Variants in PIK3R6 observed in about 807,000 individuals in gnomAD.
PIK3R6 encodes phosphoinositide 3-kinase regulatory subunit 6.
In PIK3R6, 91 loss-of-function variants were observed where a neutral mutation model predicts 84.9. The ratio of observed to expected loss-of-function variants is 1.07; its 90% CI spans 0.90 to 1.28. The LOEUF (loss-of-function observed/expected upper bound fraction) is 1.28. Among genes scored for constraint, PIK3R6 ranks in the 50% most tolerant of loss-of-function variants. The pLI is 0.00. For missense variants in PIK3R6, 996 were observed against 985.1 expected (o/e 1.01, Z -0.15); for synonymous variants, 416 against 411.4 (o/e 1.01, Z -0.13).
chr17:8,865,387 A>T (rs2089383716), intron 1 of PIK3R6, among the ~76,000 whole-genome samples: 1 of 152,044 alleles, frequency 6.6e-6, no homozygotes, highest in Admixed American at 6.5e-5. Context: ...GCCTCCCTAT[A>T]CCACAGCTGC....
intron 13 of PIK3R6, among the ~76,000 whole-genome samples, 165 bp from the exon 14 acceptor site, chr17:8,823,662 C>A: frequency 6.6e-6 from 1 of 152,126 alleles, no homozygotes; most frequent in East Asian, 1.9e-4. Flanking sequence ...TTTCCACTCC[C>A]AATCAAAATA....
In PIK3R6 at chr17:8,836,615, C is replaced by A; in HGVS notation, c.393G>T (p.Gly131=). ...IRLKTEMAVP[G]TLYQRMVIAE... The stretch of plus-strand genomic sequence containing the variant: ...CAATGACCATCCTTTGGTACAGTGT[C>A]CCTGCAAACCAGACCACTTTGGCCA... Residue 131 remains glycine (G), a splice_region_variant and synonymous_variant, in exon 7 of 20, where the codon GGG becomes GGT. Coordinates refer to ENST00000619866, the MANE Select transcript of PIK3R6 (RefSeq NM_001010855.4). 6.2e-7 allele frequency: 1 copy of A among 1,613,974 alleles called. No individual in the cohort carries two copies. Among genetic ancestry groups the A allele is most frequent in the Non-Finnish European group, 8.5e-7 (1 of 1,179,892 alleles).
rs746499436 is a variant in PIK3R6 at position 8,837,875 on chromosome 17, G to C, written c.190-4C>G. On this transcript the variant is annotated splice_region_variant and splice_polypyrimidine_tract_variant and intron_variant, in intron 4 of 19. Transcript: ENST00000619866. The stretch of plus-strand genomic sequence containing the variant: ...GCCGGAGGTCCTGGCTTTCCGCCTG[G>C]AAAACAGGAGATCACGTGACAGGTA... 3.1e-6 allele frequency: 5 copies of C among 1,612,732 alleles called. No homozygotes were observed. In the South Asian group the frequency reaches 5.5e-5, roughly 18 times the overall value.
At chr17:8,819,807 C>T (rs2087666448) in intron 17 of PIK3R6, among the ~76,000 whole-genome samples, 2 of 145,802 alleles carry the variant, frequency 1.4e-5, no homozygotes, top group South Asian at 4.3e-4. Context: ...TATAGACACA[C>T]ACGTATATAC....
rs749130315 is a variant in PIK3R6, at chr17:8,804,169, C to G, written c.1996-16G>C. 12 of 1,601,286 alleles carry G rather than the reference C, an allele frequency of 7.5e-6. No homozygotes were observed. In the African/African-American group the frequency reaches 1.5e-4, roughly 20 times the overall value. ...TGGTCACTGTCTGCAGCACAGAGAT[C>G]GCACGTGTGAGTGTTGCCTTTGCTC... On this transcript the variant is annotated splice_polypyrimidine_tract_variant and intron_variant, in intron 18 of 19. Transcript: ENST00000619866.
Position 8,837,831 on chromosome 17 carries a change from A to G in PIK3R6, c.230T>C (p.Leu77Pro). The change falls in exon 5 of 20, where the codon CTG (leucine) becomes CCG (proline). Residue 77 changes from leucine to proline, a missense_variant. Coordinates refer to ENST00000619866, the MANE Select transcript of PIK3R6 (RefSeq NM_001010855.4). ...QDLRHVIIPLLHTVMYVLTKA... is the reference protein window; with the variant it reads ...QDLRHVIIPLPHTVMYVLTKA... ...GGTGAGCACGTACATTACAGTGTGC[A>G]GCAAGGGAATGATGACATGCCGGAG... is the stretch of plus-strand genomic sequence containing the variant. The G allele has an allele frequency of 6.2e-7, 1 of 1,614,014 alleles. No individual in the cohort carries two copies. Among genetic ancestry groups the G allele is most frequent in the South Asian group, 1.1e-5 (1 of 91,082 alleles).
At chr17:8,805,182 G>C (rs1349251659) in intron 18 of PIK3R6, among the ~76,000 whole-genome samples, 1 of 152,300 alleles carries the variant, frequency 6.6e-6, no homozygotes, top group East Asian at 1.9e-4. Context: ...GGCTGCCCAG[G>C]CTCTAATCCC....
chr17:8,852,531 A>G (rs1226105132), intron 1 of PIK3R6, among the ~76,000 whole-genome samples: 1 of 152,116 alleles, frequency 6.6e-6, no homozygotes, highest in Non-Finnish European at 1.5e-5. Context: ...TGAGGTCAAG[A>G]GTTCGAGACC....
intron 2 of PIK3R6, among the ~76,000 whole-genome samples, chr17:8,845,214 G>A (rs2088788788): frequency 6.6e-6 from 1 of 152,178 alleles, no homozygotes. Flanking sequence ...GGGTCGAATG[G>A]TAGCTCTGTT....
chr17:8,807,676 G>A (rs1229927323), intron 18 of PIK3R6, among the ~76,000 whole-genome samples: 4 of 152,186 alleles, frequency 2.6e-5, no homozygotes, highest in Admixed American at 2.6e-4. Context: ...TGTGACTTCA[G>A]GAACACTTCC....
chr17:8,842,543 C>T lies in PIK3R6; in HGVS notation c.14-2846G>A, dbSNP rs2088710397. On this transcript the variant is annotated intron_variant, in intron 2 of 19. Transcript: ENST00000619866. This position sits in a 1 kb window ranked among gnomAD's most constrained non-coding sequence, Gnocchi z 4.5. ...CCAAATAAATCCTTGAACTTGGTGT[C>T]TGCTTCTTGGCAGATCCAGACTCAG... Among the ~76,000 whole-genome samples, 1 of 152,184 alleles carries T rather than the reference C, an allele frequency of 6.6e-6. No homozygotes were observed. The highest frequency in any genetic ancestry group is 1.5e-5 in the Non-Finnish European group (1 of 68,030).
At chr17:8,861,242 T>C (rs900392227) in intron 1 of PIK3R6, among the ~76,000 whole-genome samples, 7 of 151,618 alleles carry the variant, frequency 4.6e-5, no homozygotes, top group Non-Finnish European at 8.8e-5. Flanking sequence ...TGTTCTATAT[T>C]GTGGTTCAAG....
At chr17:8,852,738 C>CAAAA (rs34620144) in intron 1 of PIK3R6, among the ~76,000 whole-genome samples, 3,282 of 101,726 alleles carry the variant, frequency 0.032, 143 homozygotes, top group African/African-American at 0.11. Flanking sequence ...GACTCTGTCT[C>CAAAA]AAAAAAAAAA....
intron 17 of PIK3R6, 62 bp downstream of exon 17, chr17:8,821,784 T>C: frequency 6.7e-7 from 1 of 1,491,008 alleles, no homozygotes; most frequent in African/African-American, 1.4e-5. Context: ...CTCTGCCCTC[T>C]CCCCAGCATT....
At chr17:8,837,683 G>A (rs1296520563) in intron 5 of PIK3R6, 120 bp downstream of exon 5, 2 of 846,080 alleles carry the variant, frequency 2.4e-6, no homozygotes, top group Admixed American at 2.2e-5. Context: ...TTTAGGGCAG[G>A]CAATCCAAGG....
At chr17:8,822,736 G>T in intron 15 of PIK3R6, 79 bp from the exon 16 acceptor site, 1 of 1,417,646 alleles carries the variant, frequency 7.1e-7, no homozygotes, top group Non-Finnish European at 9.8e-7. Context: ...CTGAGGGCAG[G>T]AGCTGAGCTG....
rs756893437 is a variant in PIK3R6 at position 8,829,601 on chromosome 17, TAC to T, written c.889+103_889+104del. On this transcript the variant is annotated intron_variant, in intron 10 of 19. Transcript: ENST00000619866. ...AGACACACTGACACACACTCATGCATACACACACTGACACACGCATGCACACT... is the reference window on the plus strand; with the variant it reads ...AGACACACTGACACACACTCATGCATACACACTGACACACGCATGCACACT... The T allele has an allele frequency of 1.3e-4, 149 of 1,126,244 alleles. 1 individual carries two copies. The highest frequency in any genetic ancestry group is 2.3e-4 in the East Asian group (8 of 35,138). 69.8% of individuals were successfully genotyped at this position (1,126,244 alleles called of 1,614,324 possible).
At chr17:8,863,135 G>T (rs1036065054) in intron 1 of PIK3R6, among the ~76,000 whole-genome samples, 1 of 152,024 alleles carries the variant, frequency 6.6e-6, no homozygotes, top group Non-Finnish European at 1.5e-5. Flanking sequence ...GGGAAGGAGG[G>T]GTTCTAGAGT....
At chr17:8,838,481 G>T in intron 4 of PIK3R6, 83 bp downstream of exon 4, 1 of 1,262,656 alleles carries the variant, frequency 7.9e-7, no homozygotes, top group Non-Finnish European at 1.1e-6. Context: ...ATGAGATATA[G>T]CGCTGCCAGG....
Sources: gnomAD v4.1 joint callset for allele counts (sites outside exome capture counted in the v4.1 genomes callset) on GRCh38, gnomAD v4.1.1 for gene constraint, Gnocchi (gnomAD v3.1) non-coding constraint, MANE v1.5 for transcripts, NCBI Gene and HGNC (gene_info 2026-07-23, HGNC 2026-07-21) for gene names.